The following SUGCT variants were observed in gnomAD, a reference collection of about 807,000 sequenced individuals.
SUGCT encodes succinyl-CoA:glutarate-CoA transferase.
Under a neutral mutation model 55.0 loss-of-function variants are expected in SUGCT, and 41 were observed. That is an observed-to-expected ratio of 0.74 (90% CI 0.58 to 0.97). SUGCT has a LOEUF of 0.97. Ranked by LOEUF, SUGCT falls within the 50% of genes least tolerant of loss-of-function variation. SUGCT has a pLI of 0.00. For missense variants in SUGCT, 568 were observed against 547.8 expected (o/e 1.04, Z -0.37); for synonymous variants, 187 against 200.4 (o/e 0.93, Z 0.56).
chr7:40,446,362 C>T (rs969208331), intron 9 of SUGCT, among the ~76,000 whole-genome samples: 1 of 152,082 alleles, frequency 6.6e-6, no homozygotes, highest in Non-Finnish European at 1.5e-5. Context: ...CACAAAAAAG[C>T]AAGCAAACAA....
At chr7:40,998,230 G>A in the SUGCT span, among the ~76,000 whole-genome samples, 1 of 152,024 alleles carries the variant, frequency 6.6e-6, no homozygotes, top group African/African-American at 2.4e-5. Context: ...AAATTAGCCT[G>A]GCATGGTGGC....
intron 12 of SUGCT, among the ~76,000 whole-genome samples, chr7:40,604,532 C>T (rs1318976250): frequency 6.6e-6 from 1 of 152,090 alleles, no homozygotes; most frequent in Non-Finnish European, 1.5e-5. Flanking sequence ...TTTTAATAGA[C>T]TAGTGATCTT....
chr7:40,463,733 G>C (rs964407945), intron 11 of SUGCT, among the ~76,000 whole-genome samples: 3 of 152,140 alleles, frequency 2.0e-5, no homozygotes, highest in Admixed American at 1.3e-4. Context: ...CCCAACCAGG[G>C]CTGTGAGCAA....
intron 12 of SUGCT, among the ~76,000 whole-genome samples, chr7:40,568,801 C>G (rs1796281190): frequency 6.6e-6 from 1 of 152,132 alleles, no homozygotes; most frequent in Non-Finnish European, 1.5e-5. Flanking sequence ...AAAATAGCTT[C>G]CTTTAGCCAA....
At chr7:40,609,348 C>T (rs149547000) in intron 12 of SUGCT, among the ~76,000 whole-genome samples, 7,829 of 151,818 alleles carry the variant, frequency 0.052, 247 homozygotes, top group Middle Eastern at 0.085. Flanking sequence ...GGGCGGATCA[C>T]GAGGTCAGGA....
chr7:40,800,004 C>G (rs1396484051), intron 13 of SUGCT, among the ~76,000 whole-genome samples: 3 of 152,156 alleles, frequency 2.0e-5, no homozygotes, highest in African/African-American at 7.2e-5. Flanking sequence ...TACAGTGGCT[C>G]CACTCACTGT....
intron 13 of SUGCT, among the ~76,000 whole-genome samples, chr7:40,763,709 G>T (rs941661297): frequency 1.3e-5 from 2 of 152,136 alleles, no homozygotes; most frequent in Non-Finnish European, 2.9e-5. Flanking sequence ...ATGGTATATG[G>T]AGGAGAACTG....
chr7:40,848,362 A>G (rs1793683547), intron 13 of SUGCT, among the ~76,000 whole-genome samples: 1 of 152,162 alleles, frequency 6.6e-6, no homozygotes, highest in South Asian at 2.1e-4. Context: ...AAGGAAATGT[A>G]TATATACTGG....
intron 12 of SUGCT, among the ~76,000 whole-genome samples, chr7:40,669,954 T>A (rs1056427733): frequency 1.3e-5 from 2 of 151,464 alleles, no homozygotes; most frequent in African/African-American, 4.8e-5. Flanking sequence ...GAGCACACCC[T>A]AAACAAAAAC....
chr7:40,819,976 T>C (rs1328085256), intron 13 of SUGCT, among the ~76,000 whole-genome samples: 3 of 152,334 alleles, frequency 2.0e-5, no homozygotes, highest in East Asian at 3.9e-4. Context: ...TTTCTACATA[T>C]GGCTAGCCAG....
At chr7:40,709,731 T>C (rs1030087763) in intron 12 of SUGCT, among the ~76,000 whole-genome samples, 3 of 152,194 alleles carry the variant, frequency 2.0e-5, no homozygotes, top group South Asian at 2.1e-4. Context: ...CTACTACAGA[T>C]GGTTTCTCCG....
At chr7:40,255,389 C>T (rs1458494142) in intron 7 of SUGCT, among the ~76,000 whole-genome samples, 2 of 151,750 alleles carry the variant, frequency 1.3e-5, no homozygotes, top group Non-Finnish European at 2.9e-5. Context: ...AGGCTGGGCA[C>T]AGTGGCTCAC....
At chr7:40,307,657 T>C (rs1381757310) in intron 8 of SUGCT, among the ~76,000 whole-genome samples, 1 of 152,240 alleles carries the variant, frequency 6.6e-6, no homozygotes, top group Non-Finnish European at 1.5e-5. Flanking sequence ...TAGAACAGTG[T>C]GCAGTAAGTG....
intron 12 of SUGCT, among the ~76,000 whole-genome samples, chr7:40,650,585 A>G (rs1354494273): frequency 6.6e-6 from 1 of 152,210 alleles, no homozygotes; most frequent in Admixed American, 6.5e-5. Context: ...GTTTTAGCCA[A>G]CTTTCAGCAA....
At chr7:40,426,929 T>A (rs941476659) in intron 9 of SUGCT, among the ~76,000 whole-genome samples, 1 of 152,144 alleles carries the variant, frequency 6.6e-6, no homozygotes, top group Non-Finnish European at 1.5e-5. Context: ...TCCTCCTGCC[T>A]CATCCTTCTG....
At chr7:40,501,689 CT>C (rs772759645) in intron 12 of SUGCT, among the ~76,000 whole-genome samples, 10 of 151,942 alleles carry the variant, frequency 6.6e-5, no homozygotes, top group Non-Finnish European at 1.5e-4. Flanking sequence ...TGTGTATGGT[CT>C]TGTGTTTGGT....
intron 6 of SUGCT, among the ~76,000 whole-genome samples, chr7:40,205,385 T>C (rs1483440572): frequency 2.0e-5 from 3 of 151,932 alleles, no homozygotes; most frequent in Non-Finnish European, 4.4e-5. Flanking sequence ...CTCACGCCTG[T>C]AATCCCAGCA....
intron 9 of SUGCT, among the ~76,000 whole-genome samples, chr7:40,403,118 C>T (rs1382633406): frequency 6.6e-6 from 1 of 152,114 alleles, no homozygotes; most frequent in East Asian, 1.9e-4. Context: ...TTTCCATTTT[C>T]CTTGTTTTGC....
intron 9 of SUGCT, among the ~76,000 whole-genome samples, chr7:40,355,278 G>A (rs1797835324): frequency 6.6e-6 from 1 of 152,212 alleles, no homozygotes; most frequent in South Asian, 2.1e-4. Context: ...CATTCCTAAT[G>A]TCATAAACTT....
Sources: allele counts gnomAD v4.1 joint callset (sites outside exome capture counted in the v4.1 genomes callset), GRCh38; gene constraint gnomAD v4.1.1; transcripts MANE v1.5; gene names NCBI Gene and HGNC (gene_info 2026-07-23, HGNC 2026-07-21).